MYG1: variants seen among roughly 807,000 people sequenced by gnomAD.
MYG1 encodes MYG1 exonuclease.
MYG1 carries 36 observed loss-of-function variants against 43.5 expected under a neutral mutation model. The ratio of observed to expected loss-of-function variants is 0.83; its 90% CI spans 0.63 to 1.09. The LOEUF (loss-of-function observed/expected upper bound fraction) is 1.09, where lower values mean the gene tolerates loss of function less well. Among genes scored for constraint, MYG1 ranks in the 50% least tolerant of loss-of-function variants. MYG1 has a pLI of 0.00. For synonymous variants in MYG1, 220 were observed against 202.8 expected (o/e 1.08, Z -0.72); for missense variants, 529 against 495.1 (o/e 1.07, Z -0.65).
rs181293142 is a variant in MYG1 at position 53,300,959 on chromosome 12, G to A, written c.329+697G>A. On this transcript the variant is annotated intron_variant, in intron 2 of 6. Coordinates refer to ENST00000267103, the MANE Select transcript of MYG1 (RefSeq NM_021640.4). Reference sequence around the variant, plus strand: ...TTTTGAGACGGAGTCTCCCACTGTCGCCCAAGCTGGAGTGTAGTGGCACGA... The same window carrying A: ...TTTTGAGACGGAGTCTCCCACTGTCACCCAAGCTGGAGTGTAGTGGCACGA... Among the ~76,000 whole-genome samples the A allele has an allele frequency of 5.8e-4, 84 of 144,758 alleles. No homozygotes were observed. The East Asian group carries it at 0.014, about 24-fold the overall frequency. 95.0% of individuals were successfully genotyped at this position (144,758 alleles called of 152,430 possible). A position where few individuals can be genotyped will look rare whatever the true frequency, so the allele number is the denominator to read the frequency against.
chr12:53,300,303 A>G, intron 2 of MYG1, 41 bp downstream of exon 2: 1 of 1,430,770 alleles, frequency 7.0e-7, no homozygotes. Context: ...CCTTGACCTC[A>G]GCTTTCCTCT....
At chr12:53,301,271 C>T (rs1040962695) in intron 2 of MYG1, among the ~76,000 whole-genome samples, 1 of 152,176 alleles carries the variant, frequency 6.6e-6, no homozygotes, top group African/African-American at 2.4e-5. Flanking sequence ...TCCTTCCCTA[C>T]AGCCTAAAAC....
chr12:53,303,365 C>T, intron 3 of MYG1, 172 bp downstream of exon 3: 1 of 669,620 alleles, frequency 1.5e-6, no homozygotes, highest in Non-Finnish European at 2.4e-6. Flanking sequence ...AATGGTGATA[C>T]CTCCCCTGTC....
rs1944219195 is a variant in MYG1, at chr12:53,300,384, A to T, written c.329+122A>T. 6 of 710,984 alleles carry T rather than the reference A, an allele frequency of 8.4e-6. No individual in the cohort carries two copies. The East Asian group carries it at 1.7e-4, about 20-fold the overall frequency. 44.0% of individuals were successfully genotyped at this position (710,984 alleles called of 1,614,324 possible). A position where few individuals can be genotyped will look rare whatever the true frequency, so the allele number is the denominator to read the frequency against. On this transcript the variant is annotated intron_variant, in intron 2 of 6. Coordinates refer to ENST00000267103, the MANE Select transcript of MYG1 (RefSeq NM_021640.4). Reference sequence around the variant, plus strand: ...AGAACTGCTTCATCACTGAAATCAAACTCCCACTAGGACTACATCATCCTT... The same window carrying T: ...AGAACTGCTTCATCACTGAAATCAATCTCCCACTAGGACTACATCATCCTT...
rs1565774629 is a variant in MYG1, at chr12:53,306,191, T to C, written c.643-7T>C. The C allele has an allele frequency of 6.2e-7, 1 of 1,614,106 alleles. No individual in the cohort carries two copies. Among genetic ancestry groups the C allele is most frequent in the African/African-American group, 1.3e-5 (1 of 74,954 alleles). ...AGCATCATGGTTCTAATTCTCATCA[T>C]TCCCAGGCAGGGTTCAAGCGTGCAA... is the stretch of plus-strand genomic sequence containing the variant. On this transcript the variant is annotated splice_region_variant and splice_polypyrimidine_tract_variant and intron_variant, in intron 4 of 6. Transcript: ENST00000267103.
intron 3 of MYG1, among the ~76,000 whole-genome samples, chr12:53,304,885 T>C (rs1051148815): frequency 1.9e-5 from 1 of 53,638 alleles, no homozygotes; most frequent in African/African-American, 5.6e-5. Context: ...TTTTTTTTTT[T>C]TGAGACGGAG....
Position 53,306,793 on chromosome 12 carries a change from C to G in MYG1, c.879C>G (p.Ile293Met). The G allele has an allele frequency of 6.2e-7, 1 of 1,614,242 alleles. No homozygotes were observed. The highest frequency in any genetic ancestry group is 1.3e-5 in the African/African-American group (1 of 75,064). The change falls in exon 6 of 7, where the codon ATC becomes ATG. Residue 293 changes from isoleucine to methionine, a missense_variant. Transcript: ENST00000267103. ...LSPPVAIFFV[I>M]YTDQAGQWRI... Reference sequence around the variant, plus strand: ...CTCCAGTGGCCATCTTCTTTGTTATCTACACTGACCAGGCTGGACAGTGGC... The same window carrying G: ...CTCCAGTGGCCATCTTCTTTGTTATGTACACTGACCAGGCTGGACAGTGGC...
chr12:53,300,165 C>T lies in MYG1; in HGVS notation c.232C>T (p.Arg78Trp). 1.9e-6 allele frequency: 3 copies of T among 1,600,830 alleles called. No individual in the cohort carries two copies. The highest frequency in any genetic ancestry group is 1.7e-5 in the Admixed American group (1 of 58,588). Reference sequence around the variant, plus strand: ...TACCTCGCAGGATGCAGAGATTGTGCGGACCCGGGATCCCGAAAAACTCGC... The same window carrying T: ...TACCTCGCAGGATGCAGAGATTGTGTGGACCCGGGATCCCGAAAAACTCGC... ...LPEYRDAEIV[R>W]TRDPEKLASC... The change falls in exon 2 of 7, where the codon CGG becomes TGG. Residue 78 changes from arginine (R) to tryptophan (W), a missense_variant. By Grantham distance (101) the Arg-to-Trp change is moderately radical. Coordinates refer to ENST00000267103, the MANE Select transcript of MYG1 (RefSeq NM_021640.4).
intron 4 of MYG1, 37 bp from the exon 5 acceptor site, chr12:53,306,160 TG>T: frequency 6.2e-7 from 1 of 1,613,418 alleles, no homozygotes; most frequent in Non-Finnish European, 8.5e-7. Context: ...ATTCCAAGTT[TG>T]GGCCAGCATC....
At chr12:53,304,873 T>TTG (rs1367420472) in intron 3 of MYG1, among the ~76,000 whole-genome samples, 89 of 144,324 alleles carry the variant, frequency 6.2e-4, no homozygotes, top group African/African-American at 2.2e-3. Flanking sequence ...TTTTTTTTTT[T>TTG]TTTTTTTTTT....
chr12:53,304,861 GTTTTTTTTTTTTTTTT>G (rs71068106), intron 3 of MYG1, among the ~76,000 whole-genome samples: 2 of 78,224 alleles, frequency 2.6e-5, no homozygotes, highest in African/African-American at 9.4e-5. Flanking sequence ...CTAAACCCAT[GTTTTTTTTTTTTTTTT>G]TTTTTTTTTG....
rs566345624 is a variant in MYG1, at chr12:53,302,063, C to T, written c.330-971C>T. Among the ~76,000 whole-genome samples, 28 of 152,158 alleles carry T rather than the reference C, an allele frequency of 1.8e-4. No homozygotes were observed. In the East Asian group the frequency reaches 5.0e-3, roughly 27 times the overall value. On this transcript the variant is annotated intron_variant, in intron 2 of 6. Transcript: ENST00000267103. ...TGCAGTGGCACTCAGCTCACTTCAACCTCCACCTCCCAGATTCAAGTAATT... is the reference window on the plus strand; with the variant it reads ...TGCAGTGGCACTCAGCTCACTTCAATCTCCACCTCCCAGATTCAAGTAATT...
chr12:53,305,585 C>T (rs555460807), intron 3 of MYG1: 1 of 198,554 alleles, frequency 5.0e-6, no homozygotes, highest in African/African-American at 2.3e-5. Flanking sequence ...GACCCACTCC[C>T]ACAGAGAGCC....
Position 53,307,114 on chromosome 12 carries a change from T to C in MYG1, c.1096T>C (p.Leu366=), listed in dbSNP as rs149538988. The C allele has an allele frequency of 2.5e-6, 4 of 1,613,468 alleles. No homozygotes were observed. Among genetic ancestry groups the C allele is most frequent in the Non-Finnish European group, 3.4e-6 (4 of 1,179,694 alleles). The change falls in exon 7 of 7, where the codon TTG becomes CTG. Residue 366 remains leucine (L), a synonymous_variant. Coordinates refer to ENST00000267103, the MANE Select transcript of MYG1 (RefSeq NM_021640.4). ...EGALSMARAT[L]AQRSYLPQIS Reference sequence around the variant, plus strand: ...TGCCTTGAGCATGGCCCGTGCCACCTTGGCCCAGCGCTCATACCTCCCACA... The same window carrying C: ...TGCCTTGAGCATGGCCCGTGCCACCCTGGCCCAGCGCTCATACCTCCCACA...
In MYG1 at chr12:53,306,295, A is replaced by G. The variant is rs746514559; in HGVS notation, c.740A>G (p.Glu247Gly). The change falls in exon 5 of 7, where the codon GAA becomes GGA. Residue 247 changes from glutamate to glycine, a missense_variant. Transcript: ENST00000267103. ...TGGCTGCCAGCCCGGGCCTTGGTGG[A>G]AGAGGCCCTTGCCCAGCGATTCCAG... ...HSWLPARALVEEALAQRFQVD... is the reference protein window; with the variant it reads ...HSWLPARALVGEALAQRFQVD... 1.1e-5 allele frequency: 17 copies of G among 1,614,094 alleles called. No individual in the cohort carries two copies. The highest frequency in any genetic ancestry group is 5.0e-5 in the Admixed American group (3 of 60,010).
rs139056625 is a variant in MYG1, at chr12:53,300,170, C to G, written c.237C>G (p.Thr79=). 1,382 of 1,603,544 alleles carry G rather than the reference C, an allele frequency of 8.6e-4. 14 individuals are homozygous for G. The South Asian group carries it at 8.7e-3, about 10-fold the overall frequency. The change falls in exon 2 of 7, where the codon ACC becomes ACG. Residue 79 remains threonine (T), a synonymous_variant. Coordinates refer to ENST00000267103, the MANE Select transcript of MYG1 (RefSeq NM_021640.4). ...PEYRDAEIVR[T]RDPEKLASCD... ...CGCAGGATGCAGAGATTGTGCGGACCCGGGATCCCGAAAAACTCGCTTCCT... is the reference window on the plus strand; with the variant it reads ...CGCAGGATGCAGAGATTGTGCGGACGCGGGATCCCGAAAAACTCGCTTCCT...
intron 5 of MYG1, 22 bp downstream of exon 5, chr12:53,306,342 T>C (rs1944280051): frequency 1.2e-6 from 2 of 1,613,328 alleles, no homozygotes. Flanking sequence ...GGAGGAGGCA[T>C]TATGGCTTGA....
At position 53,306,011 on chromosome 12, in the gene MYG1, G is replaced by A. The variant is rs148056462; in HGVS notation, c.593G>A (p.Arg198Gln). ...GCACTGACCACTACCCTGAGTGCACGAGTTGCTCGACTTAATCCTACCTGG... is the reference window on the plus strand; with the variant it reads ...GCACTGACCACTACCCTGAGTGCACAAGTTGCTCGACTTAATCCTACCTGG... Reference protein sequence around the residue: ...RYALTTTLSARVARLNPTWNH... With the variant: ...RYALTTTLSAQVARLNPTWNH... The change falls in exon 4 of 7, where the codon CGA becomes CAA. Residue 198 changes from arginine to glutamine, a missense_variant. Coordinates refer to ENST00000267103, the MANE Select transcript of MYG1 (RefSeq NM_021640.4). 24 of 1,613,998 alleles carry A rather than the reference G, an allele frequency of 1.5e-5. 2 individuals are homozygous for A. The highest frequency in any genetic ancestry group is 7.7e-5 in the South Asian group (7 of 91,072).
At chr12:53,303,775 C>G (rs1944248020) in intron 3 of MYG1, 1 of 152,334 alleles carries the variant, frequency 6.6e-6, no homozygotes. Flanking sequence ...TACTTGTTTA[C>G]AAGTCAAAGC....
Sources: gnomAD v4.1 joint callset for allele counts (sites outside exome capture counted in the v4.1 genomes callset) on GRCh38, gnomAD v4.1.1 for gene constraint, MANE v1.5 for transcripts, NCBI Gene and HGNC (gene_info 2026-07-23, HGNC 2026-07-21) for gene names.